The following ODAD2 variants were observed in gnomAD, a reference collection of about 807,000 sequenced individuals.
ODAD2 encodes the protein outer dynein arm docking complex subunit 2, also known as outer dynein arm-docking complex subunit 2.
ODAD2 carries 89 observed loss-of-function variants against 106.8 expected under a neutral mutation model. The ratio of observed to expected loss-of-function variants is 0.83; its 90% CI spans 0.70 to 0.99. The LOEUF is 0.99. Among genes scored for constraint, ODAD2 ranks in the 50% least tolerant of loss-of-function variants. ODAD2 has a pLI of 0.00. For missense variants in ODAD2, 1,168 were observed against 1,238.5 expected (o/e 0.94, Z 0.85); for synonymous variants, 404 against 436.2 (o/e 0.93, Z 0.92).
At chr10:27,989,887 G>A (rs1007248785) in intron 2 of ODAD2, among the ~76,000 whole-genome samples, 1 of 152,102 alleles carries the variant, frequency 6.6e-6, no homozygotes, top group Admixed American at 6.5e-5. Flanking sequence ...AATAAAAAAC[G>A]CCAGCTATGG....
At position 27,903,068 on chromosome 10, in the gene ODAD2, G is replaced by A. The variant is rs181927206; in HGVS notation, c.2610+4595C>T. On this transcript the variant is annotated intron_variant, in intron 17 of 19. Transcript: ENST00000305242. ...ATCCTCAATAAAATACTGGCAAACC[G>A]AATCCAGCAGCACATCAAAAAGCTT... Among the ~76,000 whole-genome samples the A allele has an allele frequency of 5.9e-5, 9 of 152,248 alleles. No homozygotes were observed. The East Asian group carries it at 1.2e-3, about 20-fold the overall frequency.
At chr10:27,939,300 T>C (rs1003879763) in intron 14 of ODAD2, among the ~76,000 whole-genome samples, 2 of 152,214 alleles carry the variant, frequency 1.3e-5, no homozygotes, top group Admixed American at 1.3e-4. Flanking sequence ...GATGCATAAG[T>C]GTCTTCTAGA....
At chr10:27,835,010 C>T (rs1029928524) in intron 19 of ODAD2, among the ~76,000 whole-genome samples, 2 of 152,202 alleles carry the variant, frequency 1.3e-5, no homozygotes, top group Non-Finnish European at 2.9e-5. Flanking sequence ...CCAGGCCCGA[C>T]AGAACACACA....
upstream of ODAD2, among the ~76,000 whole-genome samples, chr10:27,999,341 C>G (rs180966754): frequency 3.2e-4 from 48 of 152,132 alleles, 1 homozygote; most frequent in South Asian, 8.3e-3. Context: ...TTACATTTTT[C>G]CATAGGCTTC....
chr10:27,824,268 TA>T (rs1836865614), intron 19 of ODAD2, among the ~76,000 whole-genome samples: 1 of 151,968 alleles, frequency 6.6e-6, no homozygotes, highest in Non-Finnish European at 1.5e-5. Flanking sequence ...TGTCCCCTTC[TA>T]AACTCATGCT....
At chr10:27,965,460 A>G (rs928047350) in intron 9 of ODAD2, among the ~76,000 whole-genome samples, 1 of 61,442 alleles carries the variant, frequency 1.6e-5, no homozygotes, top group African/African-American at 3.5e-5. Flanking sequence ...GGGGCAAGGA[A>G]AAAAATGTAG....
chr10:27,958,374 C>T (rs1847879134), intron 10 of ODAD2, among the ~76,000 whole-genome samples: 1 of 152,160 alleles, frequency 6.6e-6, no homozygotes, highest in South Asian at 2.1e-4. Flanking sequence ...ATGAGAAACT[C>T]TCTTTGCCAT....
At chr10:27,832,978 A>G (rs576824179) in intron 19 of ODAD2, among the ~76,000 whole-genome samples, 1 of 152,346 alleles carries the variant, frequency 6.6e-6, no homozygotes, top group East Asian at 1.9e-4. Context: ...CATCAGTGCA[A>G]TATGGCTTTT....
At chr10:27,897,413 A>C (rs184473428) in intron 17 of ODAD2, among the ~76,000 whole-genome samples, 97 of 152,292 alleles carry the variant, frequency 6.4e-4, no homozygotes, top group African/African-American at 2.0e-3. Flanking sequence ...TTTGGTAAAA[A>C]TTCTATCATG....
intron 1 of ODAD2, among the ~76,000 whole-genome samples, chr10:27,998,657 G>A (rs1005431610): frequency 1.3e-5 from 2 of 152,066 alleles, no homozygotes; most frequent in Non-Finnish European, 2.9e-5. Flanking sequence ...AGAAGGGAAG[G>A]GGGCGGGTCT....
chr10:27,820,777 CTTTTTTTTTTTT>C (rs72095120), intron 19 of ODAD2, among the ~76,000 whole-genome samples: 5 of 105,554 alleles, frequency 4.7e-5, no homozygotes, highest in African/African-American at 1.9e-4. Flanking sequence ...AGCCCAGCAA[CTTTTTTTTTTTT>C]TTTTTTTTTT....
intron 7 of ODAD2, among the ~76,000 whole-genome samples, chr10:27,981,176 T>C (rs1002462050): frequency 7.2e-5 from 11 of 152,032 alleles, no homozygotes; most frequent in South Asian, 2.1e-4. Context: ...GAAGAAGGAA[T>C]GGGGAATTAT....
intron 10 of ODAD2, among the ~76,000 whole-genome samples, chr10:27,960,525 T>A (rs1426290437): frequency 6.6e-6 from 1 of 151,768 alleles, no homozygotes; most frequent in African/African-American, 2.4e-5. Flanking sequence ...TTTTTTTGTA[T>A]TTTTAGTAGA....
At chr10:27,829,002 G>T (rs186000332) in intron 19 of ODAD2, among the ~76,000 whole-genome samples, 30 of 151,896 alleles carry the variant, frequency 2.0e-4, no homozygotes, top group African/African-American at 6.8e-4. Context: ...CGAAACCAAA[G>T]ACAAGCCAAT....
chr10:27,948,280 G>T (rs1847082756), intron 10 of ODAD2, among the ~76,000 whole-genome samples: 1 of 152,014 alleles, frequency 6.6e-6, no homozygotes, highest in Non-Finnish European at 1.5e-5. Flanking sequence ...ATTAGGGAAA[G>T]TTAGTTTTTC....
At chr10:27,964,141 G>A (rs796125080) in intron 9 of ODAD2, among the ~76,000 whole-genome samples, 1 of 152,174 alleles carries the variant, frequency 6.6e-6, no homozygotes, top group South Asian at 2.1e-4. Flanking sequence ...AGAAGCACTT[G>A]AACCTGGAAG....
chr10:27,859,437 A>G (rs1220270960), intron 19 of ODAD2, among the ~76,000 whole-genome samples: 2 of 152,182 alleles, frequency 1.3e-5, no homozygotes, highest in Non-Finnish European at 2.9e-5. Flanking sequence ...AATTAAAATA[A>G]TTGCCTCAAA....
chr10:27,900,098 A>C (rs756164610), intron 17 of ODAD2, among the ~76,000 whole-genome samples: 1 of 152,166 alleles, frequency 6.6e-6, no homozygotes, highest in Non-Finnish European at 1.5e-5. Flanking sequence ...CCCCTCTAGG[A>C]CAAAGCTTCC....
intron 12 of ODAD2, among the ~76,000 whole-genome samples, chr10:27,942,167 G>A (rs1480092095): frequency 6.6e-6 from 1 of 152,208 alleles, no homozygotes; most frequent in African/African-American, 2.4e-5. Context: ...ATTGCATGGT[G>A]GTTAGCAGGT....
Sources: allele counts gnomAD v4.1 joint callset (sites outside exome capture counted in the v4.1 genomes callset), GRCh38; gene constraint gnomAD v4.1.1; transcripts MANE v1.5; gene names NCBI Gene and HGNC (gene_info 2026-07-23, HGNC 2026-07-21).